The following CAPN11 variants were observed in gnomAD, a reference collection of about 807,000 sequenced individuals.
CAPN11 encodes calpain 11.
In CAPN11, 108 loss-of-function variants were observed where a neutral mutation model predicts 105.3. The observed-to-expected ratio is 1.03, with a 90% CI of 0.88 to 1.20. The LOEUF is 1.20. Ranked by LOEUF, CAPN11 falls within the 50% of genes most tolerant of loss-of-function variation. The pLI, the probability that CAPN11 is intolerant of heterozygous loss-of-function variation, is 0.00. For synonymous variants in CAPN11, 329 were observed against 344.5 expected (o/e 0.96, Z 0.50); for missense variants, 883 against 924.8 (o/e 0.95, Z 0.59).
In CAPN11 at chr6:44,184,016, C is replaced by T; in HGVS notation, c.*84C>T. On this transcript the variant is annotated 3_prime_UTR_variant, in exon 23 of 23. Coordinates refer to ENST00000398776, the MANE Select transcript of CAPN11 (RefSeq NM_007058.4). ...AGGAGGGTGGGGTGCTTCTTGTAGC[C>T]CTCAGCTCTCCGGTCTCTGCTGATG... 6.9e-7 allele frequency: 1 copy of T among 1,451,236 alleles called. No homozygotes were observed. The highest frequency in any genetic ancestry group is 9.4e-7 in the Non-Finnish European group (1 of 1,059,646). The allele number at this position is 1,451,236 out of a possible 1,614,324, so 89.9% of individuals were successfully genotyped here.
At chr6:44,160,388 C>T (rs542285478) in intron 1 of CAPN11, among the ~76,000 whole-genome samples, 16 of 152,270 alleles carry the variant, frequency 1.1e-4, no homozygotes, top group Middle Eastern at 3.4e-3. Context: ...GAGGCCGTGG[C>T]GGGCAGATCA....
intron 7 of CAPN11, among the ~76,000 whole-genome samples, chr6:44,175,201 T>A (rs1052379334): frequency 1.3e-5 from 2 of 151,944 alleles, no homozygotes; most frequent in Non-Finnish European, 2.9e-5. Flanking sequence ...CATTCTGGGC[T>A]GGGCACGGTG....
Position 44,169,506 on chromosome 6 carries a change from A to T in CAPN11, c.314A>T (p.Gln105Leu). ...CTGGGCCCCAACTCCAAAAATGTGC[A>T]GAACATCTCCTGGCAGCGGCCCAAG... ...KDLGPNSKNV[Q>L]NISWQRPKDI... Residue 105 changes from glutamine (Q) to leucine (L), a missense_variant, in exon 3 of 23, where the codon CAG becomes CTG. Physicochemically the swap from Gln to Leu is moderately radical, Grantham distance 113. Transcript: ENST00000398776. 1 of 1,597,006 alleles carries T rather than the reference A, an allele frequency of 6.3e-7. No homozygotes were observed. The highest frequency in any genetic ancestry group is 2.3e-5 in the East Asian group (1 of 44,102).
chr6:44,168,211 C>T (rs770507613), intron 2 of CAPN11, among the ~76,000 whole-genome samples: 40 of 152,208 alleles, frequency 2.6e-4, no homozygotes, highest in Non-Finnish European at 2.6e-4. Flanking sequence ...CCCTAATCTA[C>T]GTTCTGTCTC....
At chr6:44,179,499 A>C in intron 12 of CAPN11, 120 bp from the exon 13 acceptor site, 1 of 887,854 alleles carries the variant, frequency 1.1e-6, no homozygotes, top group Non-Finnish European at 1.9e-6. Context: ...CAGTGCCCTT[A>C]ATACCCCTCC....
Position 44,180,618 on chromosome 6 carries a change from A to G in CAPN11, c.1702A>G (p.Met568Val). The change falls in exon 16 of 23, where the codon ATG becomes GTG. Residue 568 changes from methionine to valine, a missense_variant. By Grantham distance (21) the Met-to-Val change is conservative. Coordinates refer to ENST00000398776, the MANE Select transcript of CAPN11 (RefSeq NM_007058.4). ...CCAGGAAAAGGTCTCTGAGGATGACATGGACCAGGACTTCCTACATTTGTT... is the reference window on the plus strand; with the variant it reads ...CCAGGAAAAGGTCTCTGAGGATGACGTGGACCAGGACTTCCTACATTTGTT... ...LQEEKVSEDDMDQDFLHLFKI... is the reference protein window; with the variant it reads ...LQEEKVSEDDVDQDFLHLFKI... 7 of 1,613,778 alleles carry G rather than the reference A, an allele frequency of 4.3e-6. No homozygotes were observed. The highest frequency in any genetic ancestry group is 5.9e-6 in the Non-Finnish European group (7 of 1,179,836).
intron 9 of CAPN11, 49 bp downstream of exon 9, chr6:44,176,387 G>A (rs753584684): frequency 1.4e-5 from 21 of 1,526,306 alleles, no homozygotes; most frequent in Non-Finnish European, 1.6e-5. Flanking sequence ...TACAGCAGGC[G>A]GTGCCAGGTG....
At chr6:44,177,120 C>T in intron 11 of CAPN11, 122 bp downstream of exon 11, 4 of 1,465,766 alleles carry the variant, frequency 2.7e-6, no homozygotes, top group Non-Finnish European at 3.7e-6. Flanking sequence ...AAGGGTTAGT[C>T]AGATTTCACA....
At position 44,183,953 on chromosome 6, in the gene CAPN11, C is replaced by G. The variant is rs1418879626; in HGVS notation, c.*21C>G. On this transcript the variant is annotated 3_prime_UTR_variant, in exon 23 of 23. Coordinates refer to ENST00000398776, the MANE Select transcript of CAPN11 (RefSeq NM_007058.4). Reference sequence around the variant, plus strand: ...GATAGAGGCGCTGTAGGAGCCTGGTCATCTCTACCAGCAGCAGCAGCAGCG... The same window carrying G: ...GATAGAGGCGCTGTAGGAGCCTGGTGATCTCTACCAGCAGCAGCAGCAGCG... 6.4e-7 allele frequency: 1 copy of G among 1,552,624 alleles called. No individual in the cohort carries two copies. The highest frequency in any genetic ancestry group is 1.4e-5 in the African/African-American group (1 of 73,048).
chr6:44,169,649 T>G, intron 3 of CAPN11, 118 bp downstream of exon 3: 3 of 1,115,388 alleles, frequency 2.7e-6, no homozygotes, highest in Non-Finnish European at 3.8e-6. Flanking sequence ...ACCCTGGCAC[T>G]AGGCCCCACC....
intron 10 of CAPN11, 76 bp downstream of exon 10, chr6:44,176,731 T>G (rs780652578): frequency 6.4e-7 from 1 of 1,564,664 alleles, no homozygotes; most frequent in Non-Finnish European, 8.7e-7. Context: ...CGCTCCTCTC[T>G]GTGCCTTGGA....
Position 44,184,005 on chromosome 6 carries a change from C to T in CAPN11, c.*73C>T. On this transcript the variant is annotated 3_prime_UTR_variant, in exon 23 of 23. Coordinates refer to ENST00000398776, the MANE Select transcript of CAPN11 (RefSeq NM_007058.4). ...GGTTCTAGCCCAGGAGGGTGGGGTG[C>T]TTCTTGTAGCCCTCAGCTCTCCGGT... The T allele has an allele frequency of 6.7e-7, 1 of 1,501,188 alleles. No homozygotes were observed. The highest frequency in any genetic ancestry group is 9.1e-7 in the Non-Finnish European group (1 of 1,103,128). 93.0% of individuals were successfully genotyped at this position (1,501,188 alleles called of 1,614,324 possible). A position where few individuals can be genotyped will look rare whatever the true frequency, so the allele number is the denominator to read the frequency against.
Position 44,180,177 on chromosome 6 carries a change from G to A in CAPN11, c.1640+14G>A, listed in dbSNP as rs548856408. 47 of 1,586,976 alleles carry A rather than the reference G, an allele frequency of 3.0e-5. No homozygotes were observed. The highest frequency in any genetic ancestry group is 4.0e-5 in the Non-Finnish European group (46 of 1,160,160). On this transcript the variant is annotated intron_variant, in intron 14 of 22. Coordinates refer to ENST00000398776, the MANE Select transcript of CAPN11 (RefSeq NM_007058.4). ...CAGCGAGTCATGGTAAGGGGCTGCAGCTCACTGCTCCAAGGCCCGCCACCC... is the reference window on the plus strand; with the variant it reads ...CAGCGAGTCATGGTAAGGGGCTGCAACTCACTGCTCCAAGGCCCGCCACCC...
chr6:44,162,368 G>C (rs1171028431), intron 1 of CAPN11, among the ~76,000 whole-genome samples: 2 of 138,654 alleles, frequency 1.4e-5, no homozygotes, highest in Admixed American at 7.2e-5. Flanking sequence ...TTTGAATAAA[G>C]ACACACACAC....
intron 1 of CAPN11, among the ~76,000 whole-genome samples, chr6:44,166,305 T>C (rs1453529595): frequency 6.6e-6 from 1 of 152,154 alleles, no homozygotes; most frequent in Non-Finnish European, 1.5e-5. Flanking sequence ...TGAAGGTTGC[T>C]AGCTTGGTCC....
chr6:44,176,704 C>T lies in CAPN11; in HGVS notation c.1076+49C>T, dbSNP rs759252918. ...TCTTACCACCACCCTAGGCCCTGGTCCTTCATCTCCCTGCTCCGCTCCTCT... is the reference window on the plus strand; with the variant it reads ...TCTTACCACCACCCTAGGCCCTGGTTCTTCATCTCCCTGCTCCGCTCCTCT... On this transcript the variant is annotated intron_variant, in intron 10 of 22. Transcript: ENST00000398776. The T allele has an allele frequency of 1.9e-6, 3 of 1,558,910 alleles. No homozygotes were observed. In the Admixed American group the frequency reaches 5.3e-5, roughly 28 times the overall value.
chr6:44,179,251 G>C (rs933665446), intron 12 of CAPN11, among the ~76,000 whole-genome samples: 1 of 151,758 alleles, frequency 6.6e-6, no homozygotes, highest in Admixed American at 6.6e-5. Flanking sequence ...AACCTGGAAT[G>C]ATAAAAATCT....
At chr6:44,179,343 C>T (rs1300407775) in intron 12 of CAPN11, among the ~76,000 whole-genome samples, 1 of 151,212 alleles carries the variant, frequency 6.6e-6, no homozygotes, top group Non-Finnish European at 1.5e-5. Flanking sequence ...CTCTATTGCC[C>T]AGGCTGGAGG....
intron 13 of CAPN11, 97 bp downstream of exon 13, chr6:44,179,727 C>T (rs889440933): frequency 3.6e-5 from 46 of 1,288,872 alleles, no homozygotes; most frequent in Admixed American, 3.4e-4. Flanking sequence ...TGGCGAGAGG[C>T]TCTGGGGGTC....
Sources: gnomAD v4.1 joint callset for allele counts (sites outside exome capture counted in the v4.1 genomes callset) on GRCh38, gnomAD v4.1.1 for gene constraint, MANE v1.5 for transcripts, NCBI Gene and HGNC (gene_info 2026-07-23, HGNC 2026-07-21) for gene names.